Variants in PRKDC observed in about 807,000 individuals in gnomAD.
The protein encoded by PRKDC is DNA-dependent protein kinase catalytic subunit.
A neutral mutation model predicts 486.9 loss-of-function variants in PRKDC; 82 were observed. That is an observed-to-expected ratio of 0.17 (90% CI 0.14 to 0.20). The LOEUF (loss-of-function observed/expected upper bound fraction) is 0.20, where lower values mean the gene tolerates loss of function less well. Ranked by LOEUF, PRKDC falls within the 10% of genes least tolerant of loss-of-function variation. The probability of loss-of-function intolerance (pLI) is 1.00; values close to 1 mark genes in which losing one functional copy is unlikely to be tolerated. For missense variants in PRKDC, 4,504 were observed against 5,038.2 expected (o/e 0.89, Z 3.21); for synonymous variants, 1,895 against 1,837.0 (o/e 1.03, Z -0.81).
Position 47,854,088 on chromosome 8 carries a change from A to G in PRKDC, c.6888T>C (p.Ser2296=). Residue 2296 remains serine (S), a synonymous_variant, in exon 51 of 86, where the codon AGT becomes AGC. Transcript: ENST00000314191. ...ATAATCAAGCAAACACGTACTCGCT[A>G]CTCTGGATGCCACACTGTGGGTCAT... is the stretch of plus-strand genomic sequence containing the variant. ...PPYDPQCGIQ[S]SEYFQALVNN... is the part of the protein sequence containing the mutation. 6.2e-7 allele frequency: 1 copy of G among 1,613,792 alleles called. No individual in the cohort carries two copies. The highest frequency in any genetic ancestry group is 8.5e-7 in the Non-Finnish European group (1 of 1,179,816).
chr8:47,852,556 T>G, intron 52 of PRKDC, 117 bp downstream of exon 52: 1 of 566,914 alleles, frequency 1.8e-6, no homozygotes, highest in East Asian at 3.0e-5. Flanking sequence ...TTTTAATAAA[T>G]GCAGATGCCC....
In PRKDC at chr8:47,915,316, AAAG is replaced by A; in HGVS notation, c.2617+9_2617+11del. ...ATATCTACAGAGGTTATTTATTTTAAAAGAAGTTTACCTGTCAGAAGATTTTTG... is the reference window on the plus strand; with the variant it reads ...ATATCTACAGAGGTTATTTATTTTAAAAGTTTACCTGTCAGAAGATTTTTG... On this transcript the variant is annotated intron_variant, in intron 23 of 85. Transcript: ENST00000314191. 1 of 1,461,632 alleles carries A rather than the reference AAAG, an allele frequency of 6.8e-7. No homozygotes were observed. Among genetic ancestry groups the A allele is most frequent in the Non-Finnish European group, 9.4e-7 (1 of 1,069,396 alleles). 90.5% of individuals were successfully genotyped at this position (1,461,632 alleles called of 1,614,324 possible).
intron 16 of PRKDC, among the ~76,000 whole-genome samples, chr8:47,932,639 G>A (rs2090276946): frequency 6.6e-6 from 1 of 152,062 alleles, no homozygotes. Flanking sequence ...TTAACACCTT[G>A]TACCACAATT....
At chr8:47,864,868 CA>C (rs1563774259) in intron 40 of PRKDC, 105 bp from the exon 41 acceptor site, 14 of 1,032,950 alleles carry the variant, frequency 1.4e-5, no homozygotes, top group Non-Finnish European at 1.8e-5. Flanking sequence ...TTACAAATTA[CA>C]AAAATAACTT....
At chr8:47,828,012 C>T (rs2087775371) in intron 62 of PRKDC, among the ~76,000 whole-genome samples, 156 bp downstream of exon 62, 1 of 152,182 alleles carries the variant, frequency 6.6e-6, no homozygotes, top group Non-Finnish European at 1.5e-5. Context: ...TAAATTACAT[C>T]TACTCATTTG....
intron 68 of PRKDC, among the ~76,000 whole-genome samples, chr8:47,807,640 G>C (rs190791020): frequency 6.6e-6 from 1 of 151,288 alleles, no homozygotes; most frequent in East Asian, 1.9e-4. Context: ...GGATGGTCTC[G>C]ATCTCCTGAT....
chr8:47,876,935 A>G (rs535763079), intron 40 of PRKDC, among the ~76,000 whole-genome samples: 81 of 152,362 alleles, frequency 5.3e-4, no homozygotes, highest in African/African-American at 1.8e-3. Context: ...TCCTAGCATC[A>G]CTAAAAGCAG....
At chr8:47,914,225 TA>T (rs2089953073) in intron 23 of PRKDC, among the ~76,000 whole-genome samples, 161 bp from the exon 24 acceptor site, 1 of 152,242 alleles carries the variant, frequency 6.6e-6, no homozygotes, top group African/African-American at 2.4e-5. Flanking sequence ...GATATGTAAT[TA>T]CAACATCAGA....
At chr8:47,954,033 T>G in intron 5 of PRKDC, 114 bp from the exon 6 acceptor site, 1 of 610,306 alleles carries the variant, frequency 1.6e-6, no homozygotes, top group Non-Finnish European at 2.7e-6. Context: ...GATTTTACAG[T>G]AAGAGATATA....
chr8:47,938,419 A>C (rs990826677), intron 11 of PRKDC, among the ~76,000 whole-genome samples: 1 of 144,638 alleles, frequency 6.9e-6, no homozygotes, highest in Non-Finnish European at 1.5e-5. Context: ...CTCAAAAATT[A>C]AAAAAAAAAA....
rs1481575112 is a variant in PRKDC at position 47,797,925 on chromosome 8, C to G, written c.10458+312G>C. On this transcript the variant is annotated intron_variant, in intron 73 of 85. Coordinates refer to ENST00000314191, the MANE Select transcript of PRKDC (RefSeq NM_006904.7). ...TGGGCACAGCAAATGTGACTGGCCACAGCCTCATCTGCAGGGGCAACAAGT... is the reference window on the plus strand; with the variant it reads ...TGGGCACAGCAAATGTGACTGGCCAGAGCCTCATCTGCAGGGGCAACAAGT... Among the ~76,000 whole-genome samples, 4 of 152,228 alleles carry G rather than the reference C, an allele frequency of 2.6e-5. 1 individual carries two copies. Among genetic ancestry groups the G allele is most frequent in the Non-Finnish European group, 5.9e-5 (4 of 68,032 alleles).
intron 25 of PRKDC, among the ~76,000 whole-genome samples, chr8:47,909,451 G>T (rs1051148929): frequency 2.0e-5 from 3 of 152,036 alleles, no homozygotes; most frequent in Non-Finnish European, 4.4e-5. Context: ...CATCACCTCA[G>T]GACCACTACC....
intron 85 of PRKDC, among the ~76,000 whole-genome samples, chr8:47,775,341 A>G (rs2086589172): frequency 6.7e-6 from 1 of 149,010 alleles, no homozygotes; most frequent in Non-Finnish European, 1.5e-5. Flanking sequence ...CATTAAAGAA[A>G]TGTCAGTTCA....
At chr8:47,797,441 G>C (rs2154498112) in intron 73 of PRKDC, among the ~76,000 whole-genome samples, 2 of 152,268 alleles carry the variant, frequency 1.3e-5, no homozygotes, top group South Asian at 4.1e-4. Context: ...GGAAGGAGTG[G>C]TTAGGGCCCT....
chr8:47,945,082 C>T (rs1227437416), intron 7 of PRKDC, among the ~76,000 whole-genome samples: 2 of 152,112 alleles, frequency 1.3e-5, no homozygotes, highest in African/African-American at 2.4e-5. Flanking sequence ...TGTTAATAAA[C>T]GCAAGTGTGC....
chr8:47,908,619 T>A (rs1392460862), intron 25 of PRKDC, among the ~76,000 whole-genome samples: 1 of 152,154 alleles, frequency 6.6e-6, no homozygotes, highest in African/African-American at 2.4e-5. Flanking sequence ...TAACAAAACA[T>A]CTATGCACAT....
intron 84 of PRKDC, 45 bp downstream of exon 84, chr8:47,777,641 G>T: frequency 6.6e-7 from 1 of 1,514,040 alleles, no homozygotes; most frequent in Non-Finnish European, 8.9e-7. Context: ...TTGATCACGG[G>T]GACACTGTCA....
intron 26 of PRKDC, among the ~76,000 whole-genome samples, chr8:47,903,557 G>A (rs549968802): frequency 1.3e-5 from 2 of 152,270 alleles, no homozygotes; most frequent in African/African-American, 4.8e-5. Flanking sequence ...CTGCTTTTCA[G>A]AGCAGAGGTC....
In PRKDC at chr8:47,820,900, A is replaced by T; in HGVS notation, c.9155T>A (p.Leu3052Gln). The change falls in exon 66 of 86, where the codon CTG (leucine) becomes CAG (glutamine). Residue 3052 changes from leucine to glutamine, a missense_variant. Leu to Gln is a moderately radical substitution (Grantham distance 113). This residue lies in a region of PRKDC where 1,592 missense variants were observed against 1,724.6 expected (regional missense o/e 0.92). Transcript: ENST00000314191. ...PYMIRSKLKL[L>Q]LQGEADQSLL... is the part of the protein sequence containing the mutation. ...GGACTGGTCAGCCTCTCCCTGGAGCAGCAGCTTCAGCTTGCTGCGGATCAT... is the reference window on the plus strand; with the variant it reads ...GGACTGGTCAGCCTCTCCCTGGAGCTGCAGCTTCAGCTTGCTGCGGATCAT... 6.2e-7 allele frequency: 1 copy of T among 1,608,046 alleles called. No individual in the cohort carries two copies. Among genetic ancestry groups the T allele is most frequent in the Non-Finnish European group, 8.5e-7 (1 of 1,176,166 alleles).
Sources: gnomAD v4.1 joint callset for allele counts (sites outside exome capture counted in the v4.1 genomes callset) on GRCh38, gnomAD v4.1.1 for gene constraint, gnomAD v4.1.1 regional missense constraint, MANE v1.5 for transcripts, NCBI Gene and HGNC (gene_info 2026-07-23, HGNC 2026-07-21) for gene names.